Variants in CMTR1 observed in about 807,000 individuals in gnomAD.
CMTR1 encodes cap methyltransferase 1.
In CMTR1, 39 loss-of-function variants were observed where a neutral mutation model predicts 107.0. The observed-to-expected ratio is 0.36, with a 90% CI of 0.28 to 0.48. The LOEUF is 0.48. CMTR1 is among the 20% of genes least tolerant of loss of function. CMTR1 has a pLI of 0.99. For missense variants in CMTR1, 672 were observed against 1,064.9 expected (o/e 0.63, Z 5.14); for synonymous variants, 366 against 379.5 (o/e 0.96, Z 0.41).
At chr6:37,455,394 A>T (rs1761271484) in intron 8 of CMTR1, among the ~76,000 whole-genome samples, 1 of 152,168 alleles carries the variant, frequency 6.6e-6, no homozygotes, top group African/African-American at 2.4e-5. Context: ...TGAAGTTTTT[A>T]AGTAGGTCTG....
chr6:37,470,593 T>G (rs1761604110), intron 13 of CMTR1, among the ~76,000 whole-genome samples: 1 of 152,224 alleles, frequency 6.6e-6, no homozygotes, highest in Non-Finnish European at 1.5e-5. Context: ...TTTTCTTGCT[T>G]CATCGTATGC....
At chr6:37,429,990 G>A (rs898904768), upstream of CMTR1, among the ~76,000 whole-genome samples, 1 of 151,908 alleles carries the variant, frequency 6.6e-6, no homozygotes, top group African/African-American at 2.4e-5. Flanking sequence ...GTTACAGTTT[G>A]TTTACATATT....
rs1449679849 is a variant in CMTR1 at position 37,479,302 on chromosome 6, C to A, written c.2375+47C>A. ...CTGCCCTCCTTAGCAGCCTCAAGTA[C>A]TCCTGCAGGATGCCAGCCAGCTGTC... is the stretch of plus-strand genomic sequence containing the variant. On this transcript the variant is annotated intron_variant, in intron 23 of 23. Coordinates refer to ENST00000373451, the MANE Select transcript of CMTR1 (RefSeq NM_015050.3). The A allele has an allele frequency of 3.9e-6, 5 of 1,285,132 alleles. No individual in the cohort carries two copies. The African/African-American group carries it at 5.9e-5, about 15-fold the overall frequency. The allele number at this position is 1,285,132 out of a possible 1,614,324, so 79.6% of individuals were successfully genotyped here.
chr6:37,480,059 C>T lies in CMTR1; in HGVS notation c.2422C>T (p.Arg808Cys), dbSNP rs370260333. 1.1e-5 allele frequency: 18 copies of T among 1,582,846 alleles called. No individual in the cohort carries two copies. The highest frequency in any genetic ancestry group is 2.8e-5 in the African/African-American group (2 of 72,696). The change falls in exon 24 of 24, where the codon CGT (arginine) becomes TGT (cysteine). Residue 808 changes from arginine (R) to cysteine (C), a missense_variant. Physicochemically the swap from Arg to Cys is radical, Grantham distance 180. Transcript: ENST00000373451. ...RLFWEWGDGIRVHDSQKPQDQ... is the reference protein window; with the variant it reads ...RLFWEWGDGICVHDSQKPQDQ... Reference sequence around the variant, plus strand: ...CTTCTGGGAGTGGGGGGATGGCATTCGTGTGCATGACTCCCAGAAGCCCCA... The same window carrying T: ...CTTCTGGGAGTGGGGGGATGGCATTTGTGTGCATGACTCCCAGAAGCCCCA...
chr6:37,441,081 C>A (rs1562116596), intron 2 of CMTR1, among the ~76,000 whole-genome samples: 1 of 152,202 alleles, frequency 6.6e-6, no homozygotes, highest in Non-Finnish European at 1.5e-5. Flanking sequence ...CCAAGAGGAA[C>A]TTTAGGGCTC....
upstream of CMTR1, among the ~76,000 whole-genome samples, chr6:37,430,385 A>G (rs1771345309): frequency 7.1e-6 from 1 of 140,942 alleles, no homozygotes; most frequent in African/African-American, 2.5e-5. Flanking sequence ...ATTCTTGGGT[A>G]TTTTATATAT....
chr6:37,478,569 C>T (rs199527402), intron 22 of CMTR1, 48 bp downstream of exon 22: 2 of 1,483,440 alleles, frequency 1.3e-6, no homozygotes, highest in African/African-American at 2.8e-5. Context: ...TCTCCCCTCT[C>T]CTCGCCAGGT....
At chr6:37,425,792 G>C in the CMTR1 span, among the ~76,000 whole-genome samples, 1 of 152,062 alleles carries the variant, frequency 6.6e-6, no homozygotes, top group South Asian at 2.1e-4. Context: ...TTTGGAGTTT[G>C]TTAAGCTTCT....
intron 1 of CMTR1, among the ~76,000 whole-genome samples, chr6:37,433,780 C>A (rs1331495318): frequency 6.6e-6 from 1 of 152,222 alleles, no homozygotes; most frequent in East Asian, 1.9e-4. Flanking sequence ...AGTTCCCTGC[C>A]AGAGCATTCT....
At chr6:37,442,747 C>T (rs1205885943) in intron 2 of CMTR1, among the ~76,000 whole-genome samples, 2 of 152,186 alleles carry the variant, frequency 1.3e-5, no homozygotes, top group Non-Finnish European at 2.9e-5. Context: ...ATGGATGGAT[C>T]ACTTAAGATT....
In CMTR1 at chr6:37,481,352, T is replaced by C. The variant is rs1448673964; in HGVS notation, c.*1207T>C. On this transcript the variant is annotated 3_prime_UTR_variant, in exon 24 of 24. Transcript: ENST00000373451. ...TAGGGCACTGAGGCTCCCGTGAGGT[T>C]GGAATCGACTTCACCATGGGGGTCC... 2 of 1,191,972 alleles carry C rather than the reference T, an allele frequency of 1.7e-6. No homozygotes were observed. Among genetic ancestry groups the C allele is most frequent in the Non-Finnish European group, 2.1e-6 (2 of 944,624 alleles). 73.8% of individuals were successfully genotyped at this position (1,191,972 alleles called of 1,614,324 possible).
intron 5 of CMTR1, 81 bp from the exon 6 acceptor site, chr6:37,451,725 C>T (rs1761175902): frequency 4.8e-6 from 5 of 1,042,376 alleles, no homozygotes; most frequent in African/African-American, 1.6e-5. Context: ...GCTCTACTTA[C>T]TTGGAACCCT....
chr6:37,464,892 C>CTGTGTGTGTGTGTGTGTGTG (rs61375488), intron 13 of CMTR1, among the ~76,000 whole-genome samples: 7 of 148,242 alleles, frequency 4.7e-5, no homozygotes, highest in African/African-American at 1.5e-4. Flanking sequence ...TTCTAAAACG[C>CTGTGTGTGTGTGTGTGTGTG]TGTGTGTGTG....
intron 18 of CMTR1, 147 bp downstream of exon 18, chr6:37,474,793 T>G: frequency 8.0e-7 from 1 of 1,248,090 alleles, no homozygotes; most frequent in Non-Finnish European, 1.1e-6. Flanking sequence ...TAATGACTCC[T>G]CCCCGAGCAG....
chr6:37,467,064 G>A (rs114712400), intron 13 of CMTR1, among the ~76,000 whole-genome samples: 2,144 of 152,162 alleles, frequency 0.014, 48 homozygotes, highest in African/African-American at 0.048. Flanking sequence ...CTACTCAGGA[G>A]GCTGAGGCAG....
At position 37,480,062 on chromosome 6, in the gene CMTR1, G is replaced by C; in HGVS notation, c.2425G>C (p.Val809Leu). 1 of 1,584,586 alleles carries C rather than the reference G, an allele frequency of 6.3e-7. No homozygotes were observed. Among genetic ancestry groups the C allele is most frequent in the Non-Finnish European group, 8.6e-7 (1 of 1,169,370 alleles). The change falls in exon 24 of 24, where the codon GTG becomes CTG. Residue 809 changes from valine to leucine, a missense_variant. Physicochemically the swap from Val to Leu is conservative, Grantham distance 32. Transcript: ENST00000373451. ...LFWEWGDGIR[V>L]HDSQKPQDQD... is the part of the protein sequence containing the mutation. Reference sequence around the variant, plus strand: ...CTGGGAGTGGGGGGATGGCATTCGTGTGCATGACTCCCAGAAGCCCCAGGA... The same window carrying C: ...CTGGGAGTGGGGGGATGGCATTCGTCTGCATGACTCCCAGAAGCCCCAGGA...
At position 37,444,058 on chromosome 6, in the gene CMTR1, G is replaced by T. The variant is rs1445684658; in HGVS notation, c.193G>T (p.Asp65Tyr). 2 of 1,614,180 alleles carry T rather than the reference G, an allele frequency of 1.2e-6. No homozygotes were observed. Among genetic ancestry groups the T allele is most frequent in the Non-Finnish European group, 1.7e-6 (2 of 1,180,016 alleles). ...SETEGKQHSS[D>Y]SFDDAFKADS... Reference sequence around the variant, plus strand: ...GACCGAGGGGAAACAACACAGCTCTGACTCTTTTGACGATGCATTCAAAGC... The same window carrying T: ...GACCGAGGGGAAACAACACAGCTCTTACTCTTTTGACGATGCATTCAAAGC... The change falls in exon 3 of 24, where the codon GAC becomes TAC. Residue 65 changes from aspartate (D) to tyrosine (Y), a missense_variant. Asp to Tyr is a radical substitution (Grantham distance 160). Around this residue, in one of 2 missense-constraint regions of CMTR1, gnomAD observed 89 missense variants for 96.6 expected, o/e 0.92. Coordinates refer to ENST00000373451, the MANE Select transcript of CMTR1 (RefSeq NM_015050.3).
At chr6:37,455,560 G>A (rs1175014406) in intron 8 of CMTR1, among the ~76,000 whole-genome samples, 2 of 152,140 alleles carry the variant, frequency 1.3e-5, no homozygotes, top group South Asian at 2.1e-4. Flanking sequence ...TCAGGGGTTC[G>A]AGTGCCTGGG....
chr6:37,462,951 T>C lies in CMTR1; in HGVS notation c.1448T>C (p.Leu483Pro). The change falls in exon 13 of 24, where the codon CTG becomes CCG. Residue 483 changes from leucine (L) to proline (P), a missense_variant. Physicochemically the swap from Leu to Pro is moderately conservative, Grantham distance 98. Coordinates refer to ENST00000373451, the MANE Select transcript of CMTR1 (RefSeq NM_015050.3). ...TCCGACGTCAACTTGGTGGTCCCCC[T>C]GGAGGTGATCAAGGGAGACCATGAA... Reference protein sequence around the residue: ...TDSDVNLVVPLEVIKGDHEFT... With the variant: ...TDSDVNLVVPPEVIKGDHEFT... 6.2e-7 allele frequency: 1 copy of C among 1,614,166 alleles called. No homozygotes were observed. Among genetic ancestry groups the C allele is most frequent in the Non-Finnish European group, 8.5e-7 (1 of 1,180,018 alleles).
Sources: gnomAD v4.1 joint callset for allele counts (sites outside exome capture counted in the v4.1 genomes callset) on GRCh38, gnomAD v4.1.1 for gene constraint, gnomAD v4.1.1 regional missense constraint, MANE v1.5 for transcripts, NCBI Gene and HGNC (gene_info 2026-07-23, HGNC 2026-07-21) for gene names.